VPS13B: variants seen among roughly 807,000 people sequenced by gnomAD.
The protein encoded by VPS13B is vacuolar protein sorting 13 homolog B.
In VPS13B, 285 loss-of-function variants were observed where a neutral mutation model predicts 426.4. The ratio of observed to expected loss-of-function variants is 0.67; its 90% CI spans 0.61 to 0.74. The LOEUF is 0.74. Ranked by LOEUF, VPS13B falls within the 30% of genes least tolerant of loss-of-function variation. The probability of loss-of-function intolerance (pLI) is 0.00; values close to 1 mark genes in which losing one functional copy is unlikely to be tolerated. For synonymous variants in VPS13B, 1,676 were observed against 1,676.4 expected (o/e 1.00, Z 0.01); for missense variants, 4,537 against 4,782.6 (o/e 0.95, Z 1.51).
At chr8:99,067,658 A>C (rs772035237) in intron 3 of VPS13B, among the ~76,000 whole-genome samples, 2 of 152,210 alleles carry the variant, frequency 1.3e-5, no homozygotes, top group Admixed American at 1.3e-4. Flanking sequence ...AAATCCATAA[A>C]TTTTGGAATG....
intron 39 of VPS13B, among the ~76,000 whole-genome samples, chr8:99,753,276 G>C (rs1351473714): frequency 1.3e-5 from 2 of 152,106 alleles, no homozygotes; most frequent in Non-Finnish European, 2.9e-5. Context: ...TTGTGGGTAA[G>C]GAAACTAAGG....
At chr8:99,021,639 C>T (rs1841896884) in intron 2 of VPS13B, among the ~76,000 whole-genome samples, 1 of 151,214 alleles carries the variant, frequency 6.6e-6, no homozygotes, top group African/African-American at 2.4e-5. Context: ...AACAAAAACA[C>T]AAAAAAACAA....
rs149059171 is a variant in VPS13B at position 99,726,684 on chromosome 8, C to T, written c.7050+5637C>T. 9.7e-4 allele frequency among the ~76,000 whole-genome samples: 148 copies of T among 152,094 alleles called. 3 individuals are homozygous for T. The highest frequency in any genetic ancestry group is 9.2e-3 in the Admixed American group (141 of 15,284). ...GAACAAATTCTTAAGATTGAAAATGCCTTTTTTAATCGAGAAAGTGTTAGC... is the reference window on the plus strand; with the variant it reads ...GAACAAATTCTTAAGATTGAAAATGTCTTTTTTAATCGAGAAAGTGTTAGC... On this transcript the variant is annotated intron_variant, in intron 39 of 61. Coordinates refer to ENST00000357162, the MANE Select transcript of VPS13B (RefSeq NM_152564.5).
intron 12 of VPS13B, among the ~76,000 whole-genome samples, chr8:99,137,054 A>G (rs966482530): frequency 5.3e-5 from 8 of 152,158 alleles, no homozygotes; most frequent in African/African-American, 1.9e-4. Context: ...TTTTAAAAAG[A>G]ATAAACCTTT....
chr8:99,195,094 C>G (rs1813836918), intron 17 of VPS13B, among the ~76,000 whole-genome samples: 1 of 152,138 alleles, frequency 6.6e-6, no homozygotes, highest in African/African-American at 2.4e-5. Context: ...ATCTGCCTGC[C>G]TCAACCTCCC....
intron 35 of VPS13B, among the ~76,000 whole-genome samples, chr8:99,681,446 G>A (rs1487017968): frequency 5.3e-5 from 8 of 152,256 alleles, no homozygotes; most frequent in African/African-American, 1.9e-4. Flanking sequence ...GGGACTTTGT[G>A]GCCTACTAAC....
At chr8:99,384,148 C>G in intron 19 of VPS13B, 60 bp from the exon 20 acceptor site, 2 of 1,364,784 alleles carry the variant, frequency 1.5e-6, no homozygotes, top group Non-Finnish European at 2.1e-6. Flanking sequence ...TGTAAAGTGA[C>G]AAATAGCTTA....
chr8:99,476,161 C>T (rs1393720548), intron 24 of VPS13B, among the ~76,000 whole-genome samples: 1 of 152,122 alleles, frequency 6.6e-6, no homozygotes, highest in Non-Finnish European at 1.5e-5. Flanking sequence ...TATGAACATC[C>T]CTGGTGAAAT....
At chr8:99,056,570 TG>T (rs1299255923) in intron 3 of VPS13B, among the ~76,000 whole-genome samples, 3 of 152,208 alleles carry the variant, frequency 2.0e-5, no homozygotes, top group African/African-American at 4.8e-5. Flanking sequence ...TTAATAGCAG[TG>T]GTGAAAATGG....
intron 17 of VPS13B, among the ~76,000 whole-genome samples, chr8:99,224,436 C>A (rs574089691): frequency 6.6e-5 from 10 of 152,140 alleles, no homozygotes; most frequent in Non-Finnish European, 1.5e-4. Context: ...TGGAAACAAC[C>A]AGATAATTTT....
intron 34 of VPS13B, among the ~76,000 whole-genome samples, chr8:99,659,843 T>C (rs1259229369): frequency 6.6e-6 from 1 of 152,204 alleles, no homozygotes; most frequent in Non-Finnish European, 1.5e-5. Context: ...TGAAGAGTTA[T>C]GTCTCCTTGT....
chr8:99,673,555 T>C (rs1024448222), intron 35 of VPS13B, among the ~76,000 whole-genome samples: 1 of 151,950 alleles, frequency 6.6e-6, no homozygotes, highest in South Asian at 2.1e-4. Flanking sequence ...ACTGGTTCTT[T>C]GTTTCTCTGA....
chr8:99,049,055 A>T (rs1296726962), intron 3 of VPS13B, among the ~76,000 whole-genome samples: 1 of 152,090 alleles, frequency 6.6e-6, no homozygotes, highest in Non-Finnish European at 1.5e-5. Context: ...GTGAGTCCTT[A>T]TGTGGTAGGT....
intron 40 of VPS13B, among the ~76,000 whole-genome samples, chr8:99,768,009 A>G (rs143062816): frequency 1.4e-3 from 219 of 152,358 alleles, no homozygotes; most frequent in African/African-American, 4.9e-3. Flanking sequence ...TTTACAGTAG[A>G]GAAAAATAGC....
At chr8:99,113,039 T>C (rs1012005515) in intron 6 of VPS13B, among the ~76,000 whole-genome samples, 1 of 150,942 alleles carries the variant, frequency 6.6e-6, no homozygotes, top group Non-Finnish European at 1.5e-5. Context: ...CTCCTCTCCC[T>C]CTCCCCACCC....
At chr8:99,733,393 AG>A (rs1833680937) in intron 39 of VPS13B, among the ~76,000 whole-genome samples, 2 of 152,336 alleles carry the variant, frequency 1.3e-5, no homozygotes, top group Admixed American at 1.3e-4. Context: ...GTAACTTCTT[AG>A]TACTTCAGCT....
At chr8:99,352,197 A>G (rs775752974) in intron 19 of VPS13B, among the ~76,000 whole-genome samples, 11 of 152,184 alleles carry the variant, frequency 7.2e-5, no homozygotes, top group African/African-American at 2.4e-4. Flanking sequence ...TAAAACTTCT[A>G]ATTTCAAAGT....
chr8:99,145,916 C>T (rs1810701010), intron 13 of VPS13B, among the ~76,000 whole-genome samples: 1 of 152,318 alleles, frequency 6.6e-6, no homozygotes, highest in Middle Eastern at 3.4e-3. Flanking sequence ...ACATTACCAT[C>T]CAACGATGAC....
chr8:99,033,075 C>A (rs1189864246), intron 2 of VPS13B, among the ~76,000 whole-genome samples: 3 of 152,052 alleles, frequency 2.0e-5, no homozygotes, highest in Non-Finnish European at 4.4e-5. Context: ...ACCAGAAGAA[C>A]AAAGGAGAAA....
Sources: gnomAD v4.1 joint callset for allele counts (sites outside exome capture counted in the v4.1 genomes callset) on GRCh38, gnomAD v4.1.1 for gene constraint, MANE v1.5 for transcripts, NCBI Gene and HGNC (gene_info 2026-07-23, HGNC 2026-07-21) for gene names.